The following UNC13C variants were observed in gnomAD, a reference collection of about 807,000 sequenced individuals.
UNC13C encodes the protein unc-13 homolog C, also known as protein unc-13 homolog C.
A neutral mutation model predicts 245.4 loss-of-function variants in UNC13C; 174 were observed. That is an observed-to-expected ratio of 0.71 (90% CI 0.63 to 0.80). UNC13C has a LOEUF of 0.80. UNC13C is among the 30% of genes least tolerant of loss of function. The pLI, the probability that UNC13C is intolerant of heterozygous loss-of-function variation, is 0.00. For synonymous variants in UNC13C, 992 were observed against 895.1 expected (o/e 1.11, Z -1.93); for missense variants, 2,829 against 2,602.9 (o/e 1.09, Z -1.89).
chr15:53,861,355 T>A, the UNC13C span, among the ~76,000 whole-genome samples: 2 of 152,182 alleles, frequency 1.3e-5, no homozygotes, highest in African/African-American at 4.8e-5. Context: ...ACTTTATCAC[T>A]TGCTTTCTAA....
the UNC13C span, among the ~76,000 whole-genome samples, chr15:53,968,821 A>G: frequency 6.6e-6 from 1 of 152,160 alleles, no homozygotes; most frequent in Non-Finnish European, 1.5e-5. Context: ...AAACATTGCA[A>G]AGATTTACAC....
chr15:54,077,282 A>G (rs990676303), intron 2 of UNC13C, among the ~76,000 whole-genome samples: 15 of 145,410 alleles, frequency 1.0e-4, no homozygotes, highest in Non-Finnish European at 2.1e-4. Context: ...ATTTTGATAC[A>G]TTTTCTTATT....
chr15:54,286,806 A>G (rs533520617), intron 10 of UNC13C, among the ~76,000 whole-genome samples: 1 of 152,320 alleles, frequency 6.6e-6, no homozygotes, highest in Admixed American at 6.5e-5. Context: ...AAAACAAAAC[A>G]CAGACACACA....
rs1900966200 is a variant in UNC13C, at chr15:54,623,923, T to A, written c.6328T>A (p.Trp2110Arg). ...KQGTKTKSNT[W>R]SPKYNETFQF... ...AGGCACAAAAACAAAAAGCAACACA[T>A]GGTCACCAAAGTACAATGAAACATT... The change falls in exon 32 of 33, where the codon TGG becomes AGG. Residue 2110 changes from tryptophan to arginine, a missense_variant. By Grantham distance (101) the Trp-to-Arg change is moderately radical. Transcript: ENST00000260323. 2 of 1,613,100 alleles carry A rather than the reference T, an allele frequency of 1.2e-6. No homozygotes were observed. The highest frequency in any genetic ancestry group is 1.1e-5 in the South Asian group (1 of 91,070).
chr15:53,894,133 C>G, the UNC13C span, among the ~76,000 whole-genome samples: 1 of 152,194 alleles, frequency 6.6e-6, no homozygotes, highest in African/African-American at 2.4e-5. Context: ...TGAGGCGACA[C>G]CCCACCCTGC....
intron 30 of UNC13C, among the ~76,000 whole-genome samples, chr15:54,582,745 A>C (rs1898260738): frequency 6.6e-6 from 1 of 152,102 alleles, no homozygotes; most frequent in South Asian, 2.1e-4. Context: ...CAAAACTGTG[A>C]ATTATGACGA....
intron 30 of UNC13C, chr15:54,611,381 A>G (rs1900083846): frequency 6.6e-6 from 1 of 151,618 alleles, no homozygotes; most frequent in Non-Finnish European, 1.5e-5. Context: ...AAAAACACAT[A>G]TAGCTGGCTA....
chr15:53,999,744 T>A (rs998934398), intron 1 of UNC13C, among the ~76,000 whole-genome samples: 51 of 152,092 alleles, frequency 3.4e-4, no homozygotes, highest in Admixed American at 7.2e-4. Flanking sequence ...GTTGTTTTTT[T>A]AAATTATTCA....
chr15:54,281,834 G>C (rs1330094079), intron 10 of UNC13C, among the ~76,000 whole-genome samples: 2 of 152,158 alleles, frequency 1.3e-5, no homozygotes, highest in Non-Finnish European at 2.9e-5. Flanking sequence ...TCAACAAGTG[G>C]TGGAACCAAA....
At chr15:54,117,516 A>G (rs1220637764) in intron 2 of UNC13C, among the ~76,000 whole-genome samples, 1 of 129,172 alleles carries the variant, frequency 7.7e-6, no homozygotes, top group Non-Finnish European at 1.6e-5. Context: ...TCTCAGAACT[A>G]TTATGTTTCT....
chr15:53,873,948 C>CTTCT, the UNC13C span, among the ~76,000 whole-genome samples: 1 of 139,382 alleles, frequency 7.2e-6, no homozygotes, highest in Admixed American at 7.3e-5. Context: ...TCCTTCCTTC[C>CTTCT]TTCCTTCCTT....
chr15:54,234,527 C>T (rs1007379534), intron 4 of UNC13C, among the ~76,000 whole-genome samples: 6 of 152,040 alleles, frequency 3.9e-5, no homozygotes, highest in African/African-American at 7.2e-5. Context: ...GGGGAACTTG[C>T]GGTATAAGGG....
chr15:53,931,850 G>A, the UNC13C span, among the ~76,000 whole-genome samples: 1 of 152,274 alleles, frequency 6.6e-6, no homozygotes, highest in South Asian at 2.1e-4. Flanking sequence ...TGGTGTTACA[G>A]TGCTGTCAAC....
chr15:53,994,207 A>G (rs1894516598), intron 1 of UNC13C, among the ~76,000 whole-genome samples: 1 of 120,922 alleles, frequency 8.3e-6, no homozygotes, highest in Non-Finnish European at 1.7e-5. Flanking sequence ...CAAATTTTTA[A>G]AGAACTGGAC....
chr15:53,981,351 A>G (rs1346770562), intron 1 of UNC13C, among the ~76,000 whole-genome samples: 2 of 152,130 alleles, frequency 1.3e-5, no homozygotes, highest in Admixed American at 6.5e-5. Flanking sequence ...CCCAAGAAAA[A>G]CAATCCTGCT....
At chr15:54,308,385 G>T (rs1382146740) in intron 13 of UNC13C, among the ~76,000 whole-genome samples, 1 of 151,816 alleles carries the variant, frequency 6.6e-6, no homozygotes, top group East Asian at 1.9e-4. Flanking sequence ...TTTAAAAATT[G>T]ATTGATAAAA....
intron 4 of UNC13C, among the ~76,000 whole-genome samples, chr15:54,213,972 A>G (rs2034963391): frequency 6.6e-6 from 1 of 151,982 alleles, no homozygotes; most frequent in African/African-American, 2.4e-5. Context: ...GAGAGAAATA[A>G]CACATTGCAA....
Position 54,297,937 on chromosome 15 carries a change from G to A in UNC13C, c.4104+11G>A. ...ACATGTTTACATGAGGTAAATAAAT[G>A]GAATTTTACTAATACAAAATATAAG... On this transcript the variant is annotated intron_variant, in intron 12 of 32. Transcript: ENST00000260323. 7.0e-7 allele frequency: 1 copy of A among 1,424,096 alleles called. No individual in the cohort carries two copies. The highest frequency in any genetic ancestry group is 9.7e-7 in the Non-Finnish European group (1 of 1,031,750). The allele number at this position is 1,424,096 out of a possible 1,614,324, so 88.2% of individuals were successfully genotyped here. A position where few individuals can be genotyped will look rare whatever the true frequency, so the allele number is the denominator to read the frequency against.
chr15:54,416,875 C>T (rs1466411671), intron 19 of UNC13C: 1 of 456,184 alleles, frequency 2.2e-6, no homozygotes, highest in Admixed American at 2.4e-5. Context: ...CCTTTATTGT[C>T]TTCGCTACAG....
Sources: allele counts gnomAD v4.1 joint callset (sites outside exome capture counted in the v4.1 genomes callset), GRCh38; gene constraint gnomAD v4.1.1; transcripts MANE v1.5; gene names NCBI Gene and HGNC (gene_info 2026-07-23, HGNC 2026-07-21).